FBXL17: variants seen among roughly 807,000 people sequenced by gnomAD.
The protein encoded by FBXL17 is F-box and leucine rich repeat protein 17.
Under a neutral mutation model 66.2 loss-of-function variants are expected in FBXL17, and 22 were observed. The observed-to-expected ratio is 0.33, with a 90% CI of 0.24 to 0.47. FBXL17 has a LOEUF of 0.47. FBXL17 is among the 20% of genes least tolerant of loss of function. FBXL17 has a pLI of 1.00. For synonymous variants in FBXL17, 474 were observed against 400.5 expected (o/e 1.18, Z -2.19); for missense variants, 878 against 948.2 (o/e 0.93, Z 0.97).
At chr5:108,247,801 T>G (rs1756172268) in intron 4 of FBXL17, among the ~76,000 whole-genome samples, 1 of 152,182 alleles carries the variant, frequency 6.6e-6, no homozygotes, top group African/African-American at 2.4e-5. Flanking sequence ...GTGAGTGACA[T>G]GATCCATAAC....
intron 7 of FBXL17, among the ~76,000 whole-genome samples, chr5:107,983,330 T>C (rs1222275085): frequency 6.6e-6 from 1 of 152,012 alleles, no homozygotes; most frequent in Non-Finnish European, 1.5e-5. Flanking sequence ...TAGCTGGGAC[T>C]ACAGGCACGC....
chr5:107,890,846 G>C (rs1464667685), intron 7 of FBXL17, among the ~76,000 whole-genome samples: 2 of 152,056 alleles, frequency 1.3e-5, no homozygotes, highest in Admixed American at 1.3e-4. Context: ...AAGAACATGG[G>C]GGATAATGGC....
chr5:108,082,167 C>T (rs1420529122), intron 6 of FBXL17, among the ~76,000 whole-genome samples: 1 of 151,228 alleles, frequency 6.6e-6, no homozygotes, highest in African/African-American at 2.4e-5. Flanking sequence ...TACGAGGATA[C>T]ATGAAAAATA....
chr5:108,268,547 C>T (rs1273534241), intron 4 of FBXL17, among the ~76,000 whole-genome samples: 1 of 151,914 alleles, frequency 6.6e-6, no homozygotes, highest in Non-Finnish European at 1.5e-5. Context: ...TGATTCCTCA[C>T]TCCTTCCCTG....
intron 6 of FBXL17, among the ~76,000 whole-genome samples, chr5:108,036,761 AC>A (rs773257886): frequency 6.6e-6 from 1 of 152,168 alleles, no homozygotes; most frequent in Non-Finnish European, 1.5e-5. Flanking sequence ...GATACGCAAA[AC>A]AGGTTTGTTG....
At chr5:108,139,117 A>G (rs1295221073) in intron 6 of FBXL17, among the ~76,000 whole-genome samples, 1 of 152,216 alleles carries the variant, frequency 6.6e-6, no homozygotes, top group Non-Finnish European at 1.5e-5. Context: ...TGGAAGAATT[A>G]AGATCATGCC....
intron 5 of FBXL17, among the ~76,000 whole-genome samples, chr5:108,220,384 A>G (rs928310995): frequency 2.0e-5 from 3 of 152,152 alleles, no homozygotes; most frequent in Non-Finnish European, 4.4e-5. Flanking sequence ...CTTTCAATGC[A>G]CTAAACTGAG....
intron 6 of FBXL17, among the ~76,000 whole-genome samples, chr5:108,041,611 TCTCA>T: frequency 6.6e-6 from 1 of 152,018 alleles, no homozygotes; most frequent in Admixed American, 6.5e-5. Flanking sequence ...GGAGACGAGG[TCTCA>T]CTATGTTGGC....
At chr5:108,155,056 A>G (rs1049209626) in intron 6 of FBXL17, among the ~76,000 whole-genome samples, 2 of 152,194 alleles carry the variant, frequency 1.3e-5, no homozygotes, top group African/African-American at 4.8e-5. Context: ...TAAGCTGATC[A>G]AATCTTTTGT....
In FBXL17 at chr5:107,861,455, T is replaced by A. The variant is rs980286983; in HGVS notation, c.*265A>T. ...CTCTATATTAAAAATAATTTTTTTT[T>A]AAAGAGAAAGAAGCCTTTGAAGTTA... is the stretch of plus-strand genomic sequence containing the variant. On this transcript the variant is annotated 3_prime_UTR_variant, in exon 9 of 9. Transcript: ENST00000542267. 2.0e-5 allele frequency: 5 copies of A among 247,726 alleles called. No individual in the cohort carries two copies. The highest frequency in any genetic ancestry group is 7.8e-5 in the East Asian group (1 of 12,898). The allele number at this position is 247,726 out of a possible 1,614,324, so 15.3% of individuals were successfully genotyped here.
chr5:108,151,931 G>C (rs929551413), intron 6 of FBXL17, among the ~76,000 whole-genome samples: 6 of 152,172 alleles, frequency 3.9e-5, no homozygotes, highest in African/African-American at 1.4e-4. Context: ...CCACAGGAAA[G>C]CCTAAATGGT....
At chr5:108,056,072 AAC>A (rs1249498880) in intron 6 of FBXL17, among the ~76,000 whole-genome samples, 1 of 152,226 alleles carries the variant, frequency 6.6e-6, no homozygotes, top group Non-Finnish European at 1.5e-5. Context: ...AGCATTTTTC[AAC>A]ATGACTGATT....
intron 5 of FBXL17, among the ~76,000 whole-genome samples, chr5:108,189,946 G>C (rs1482109207): frequency 6.6e-6 from 1 of 152,168 alleles, no homozygotes; most frequent in Non-Finnish European, 1.5e-5. Context: ...TTGAGCTTTA[G>C]AAAGAAATAC....
At chr5:108,327,597 G>C (rs1295479491) in intron 4 of FBXL17, among the ~76,000 whole-genome samples, 1 of 152,138 alleles carries the variant, frequency 6.6e-6, no homozygotes, top group African/African-American at 2.4e-5. Context: ...AAATATAAAA[G>C]ATGTAACAAG....
intron 7 of FBXL17, among the ~76,000 whole-genome samples, chr5:107,893,019 A>G (rs560287142): frequency 6.6e-6 from 1 of 152,272 alleles, no homozygotes; most frequent in South Asian, 2.1e-4. Context: ...TGTCTAATAT[A>G]CCTGTCTATC....
At chr5:108,103,247 G>A (rs1046035759) in intron 6 of FBXL17, among the ~76,000 whole-genome samples, 7 of 152,176 alleles carry the variant, frequency 4.6e-5, no homozygotes, top group Admixed American at 2.0e-4. Context: ...ATACAATTAT[G>A]CAAAAGGTAA....
intron 4 of FBXL17, among the ~76,000 whole-genome samples, chr5:108,263,091 T>C (rs1561494603): frequency 6.6e-6 from 1 of 152,148 alleles, no homozygotes; most frequent in Non-Finnish European, 1.5e-5. Flanking sequence ...GTGAACCATA[T>C]ATAACCAATT....
intron 4 of FBXL17, among the ~76,000 whole-genome samples, chr5:108,285,016 ACTCAATTTAC>A (rs1757843282): frequency 6.6e-6 from 1 of 151,866 alleles, no homozygotes; most frequent in Non-Finnish European, 1.5e-5. Flanking sequence ...TGCTTTATGA[ACTCAATTTAC>A]ATAATATTCT....
chr5:108,009,379 T>C (rs563642772), intron 7 of FBXL17, among the ~76,000 whole-genome samples: 1 of 147,280 alleles, frequency 6.8e-6, no homozygotes, highest in South Asian at 2.2e-4. Context: ...CATAACTTCC[T>C]GAAGATGAAC....
Sources: allele counts gnomAD v4.1 joint callset (sites outside exome capture counted in the v4.1 genomes callset), GRCh38; gene constraint gnomAD v4.1.1; transcripts MANE v1.5; gene names NCBI Gene and HGNC (gene_info 2026-07-23, HGNC 2026-07-21).